The following PACC1 variants were observed in gnomAD, a reference collection of about 807,000 sequenced individuals.
PACC1 encodes proton-activated chloride channel.
PACC1 carries 34 observed loss-of-function variants against 39.7 expected under a neutral mutation model. The ratio of observed to expected loss-of-function variants is 0.86; its 90% CI spans 0.65 to 1.14. The LOEUF (loss-of-function observed/expected upper bound fraction) is 1.14. PACC1 is among the 50% of genes most tolerant of loss of function. The pLI is 0.00. For synonymous variants in PACC1, 127 were observed against 160.6 expected (o/e 0.79, Z 1.58); for missense variants, 379 against 436.4 (o/e 0.87, Z 1.17).
chr1:212,397,058 T>G (rs1413039896), intron 2 of PACC1, among the ~76,000 whole-genome samples: 2 of 152,174 alleles, frequency 1.3e-5, no homozygotes, highest in East Asian at 3.8e-4. Context: ...CTAGCAGACC[T>G]GCACTAAACT....
chr1:212,390,746 T>C (rs1661287216), intron 2 of PACC1, among the ~76,000 whole-genome samples: 1 of 152,210 alleles, frequency 6.6e-6, no homozygotes, highest in Non-Finnish European at 1.5e-5. Context: ...CCCACCCTAA[T>C]ACCGTGCTTT....
chr1:212,381,677 GACACACACACACACACTGCACACACAC>G (rs1660887287), intron 4 of PACC1, among the ~76,000 whole-genome samples: 1 of 86,866 alleles, frequency 1.2e-5, no homozygotes, highest in Admixed American at 1.4e-4. Context: ...CATGTGCACA[GACACACACACACACACTGCACACACAC>G]ACACACACAC....
chr1:212,379,844 G>C, intron 5 of PACC1, 51 bp downstream of exon 5: 2 of 1,608,794 alleles, frequency 1.2e-6, no homozygotes, highest in South Asian at 1.1e-5. Flanking sequence ...TACACAGCTG[G>C]AATAAGATAA....
chr1:212,408,461 A>G (rs1022840626), intron 2 of PACC1, among the ~76,000 whole-genome samples: 1 of 151,852 alleles, frequency 6.6e-6, no homozygotes, highest in Non-Finnish European at 1.5e-5. Flanking sequence ...CCTGGGTTCA[A>G]GCGATTCTCC....
chr1:212,399,482 G>C (rs1184963007), intron 2 of PACC1, among the ~76,000 whole-genome samples: 1 of 150,540 alleles, frequency 6.6e-6, no homozygotes, highest in Non-Finnish European at 1.5e-5. Context: ...TTTTTTAAGA[G>C]ACACGGTCTC....
rs1002368783 is a variant in PACC1 at position 212,386,284 on chromosome 1, T to C, written c.343+607A>G. On this transcript the variant is annotated intron_variant, in intron 3 of 7. Transcript: ENST00000261455. The surrounding 1 kb of genome is among the most constrained non-coding windows in gnomAD (Gnocchi z 5.0). ...GCCTCCTCATTTACTCTACAGCCCC[T>C]AGAACATCCAGTGCCAGCCCTGCAG... Among the ~76,000 whole-genome samples the C allele has an allele frequency of 5.3e-5, 8 of 152,076 alleles. No individual in the cohort carries two copies. Among genetic ancestry groups the C allele is most frequent in the African/African-American group, 1.9e-4 (8 of 41,382 alleles).
intron 2 of PACC1, among the ~76,000 whole-genome samples, chr1:212,402,261 A>G (rs1384254509): frequency 6.6e-6 from 1 of 152,174 alleles, no homozygotes; most frequent in East Asian, 1.9e-4. Flanking sequence ...CAGCAGCTGC[A>G]CCATTTTACA....
intron 2 of PACC1, among the ~76,000 whole-genome samples, chr1:212,395,680 TCTA>T (rs1372030476): frequency 6.6e-6 from 1 of 151,866 alleles, no homozygotes; most frequent in Non-Finnish European, 1.5e-5. Context: ...ATTTTTGCAA[TCTA>T]CTCATCTGAC....
intron 2 of PACC1, among the ~76,000 whole-genome samples, chr1:212,400,876 A>G (rs1039664912): frequency 6.6e-6 from 1 of 152,180 alleles, no homozygotes; most frequent in Non-Finnish European, 1.5e-5. Flanking sequence ...AAGTTCATCC[A>G]CTAAGGGGAT....
intron 2 of PACC1, among the ~76,000 whole-genome samples, chr1:212,398,836 G>A (rs1015982364): frequency 1.3e-5 from 2 of 152,028 alleles, no homozygotes; most frequent in South Asian, 2.1e-4. Context: ...AATTCTCCCC[G>A]AGAAAGTATC....
At chr1:212,399,851 C>CT (rs60857237) in intron 2 of PACC1, among the ~76,000 whole-genome samples, 6,803 of 149,830 alleles carry the variant, frequency 0.045, 636 homozygotes, top group East Asian at 0.38. Context: ...ACCTGGAAAA[C>CT]TTTTTTTTTT....
chr1:212,370,249 G>A (rs1225525859), intron 7 of PACC1, among the ~76,000 whole-genome samples: 1 of 152,212 alleles, frequency 6.6e-6, no homozygotes, highest in South Asian at 2.1e-4. Flanking sequence ...GGCAGATCAG[G>A]AGGTCAGGTG....
chr1:212,391,842 G>C (rs1661330538), intron 2 of PACC1, among the ~76,000 whole-genome samples: 1 of 152,170 alleles, frequency 6.6e-6, no homozygotes, highest in Admixed American at 6.5e-5. Flanking sequence ...AAGGGTATCA[G>C]TGATGGAAGA....
chr1:212,411,795 C>T (rs144483024), intron 1 of PACC1, among the ~76,000 whole-genome samples: 29 of 152,284 alleles, frequency 1.9e-4, no homozygotes, highest in Non-Finnish European at 4.1e-4. Flanking sequence ...ACTCCTGCCC[C>T]TTAGAATCAG....
intron 2 of PACC1, among the ~76,000 whole-genome samples, chr1:212,404,701 TC>T (rs1445068341): frequency 2.7e-5 from 4 of 150,070 alleles, no homozygotes; most frequent in African/African-American, 9.8e-5. Context: ...CAGCCTTCCT[TC>T]CTTTTTTTTT....
chr1:212,379,863 C>T (rs1212259835), intron 5 of PACC1, 32 bp downstream of exon 5: 1 of 1,612,990 alleles, frequency 6.2e-7, no homozygotes, highest in Non-Finnish European at 8.5e-7. Flanking sequence ...AAAAAGTAGA[C>T]AGTAAGCCCA....
In PACC1 at chr1:212,414,884, G is replaced by C; in HGVS notation, c.-127C>G. ...GAAACCGGTCCGGAGGGGCGTCCCA[G>C]AGACCAGGCGTGGCGATACTCGGCG... On this transcript the variant is annotated 5_prime_UTR_variant, in exon 1 of 8. Coordinates refer to ENST00000261455, the MANE Select transcript of PACC1 (RefSeq NM_018252.3). 7.9e-7 allele frequency: 1 copy of C among 1,259,672 alleles called. No individual in the cohort carries two copies. The highest frequency in any genetic ancestry group is 1.1e-6 in the Non-Finnish European group (1 of 903,704). The allele number at this position is 1,259,672 out of a possible 1,614,324, so 78.0% of individuals were successfully genotyped here.
intron 7 of PACC1, among the ~76,000 whole-genome samples, chr1:212,369,437 G>T (rs1231111202): frequency 6.6e-6 from 1 of 152,138 alleles, no homozygotes; most frequent in East Asian, 1.9e-4. Context: ...AGACCCAACG[G>T]TATGCTGCCA....
rs1661484407 is a variant in PACC1 at position 212,395,593 on chromosome 1, T to TAATTA, written c.134-8498_134-8494dup. Among the ~76,000 whole-genome samples, 4 of 152,262 alleles carry TAATTA rather than the reference T, an allele frequency of 2.6e-5. No individual in the cohort carries two copies. In the South Asian group the frequency reaches 8.3e-4, roughly 32 times the overall value. On this transcript the variant is annotated intron_variant, in intron 2 of 7. Coordinates refer to ENST00000261455, the MANE Select transcript of PACC1 (RefSeq NM_018252.3). ...AAAGCCAAAATTGACAAATGGGGCCTAATTAAACTAAAGAGCTTCTGCACA... is the reference window on the plus strand; with the variant it reads ...AAAGCCAAAATTGACAAATGGGGCCTAATTAAATTAAACTAAAGAGCTTCTGCACA...
Sources: gnomAD v4.1 joint callset for allele counts (sites outside exome capture counted in the v4.1 genomes callset) on GRCh38, gnomAD v4.1.1 for gene constraint, Gnocchi (gnomAD v3.1) non-coding constraint, MANE v1.5 for transcripts, NCBI Gene and HGNC (gene_info 2026-07-23, HGNC 2026-07-21) for gene names.